Variants in GRIK3 observed in about 807,000 individuals in gnomAD.
GRIK3 encodes the protein glutamate receptor ionotropic, kainate 3.
Under a neutral mutation model 102.5 loss-of-function variants are expected in GRIK3, and 29 were observed. That is an observed-to-expected ratio of 0.28 (90% CI 0.21 to 0.39). The LOEUF (loss-of-function observed/expected upper bound fraction) is 0.39, where lower values mean the gene tolerates loss of function less well. Ranked by LOEUF, GRIK3 falls within the 10% of genes least tolerant of loss-of-function variation. GRIK3 has a pLI of 1.00. For synonymous variants in GRIK3, 511 were observed against 504.9 expected (o/e 1.01, Z -0.16); for missense variants, 908 against 1,252.4 (o/e 0.73, Z 4.15).
chr1:36,839,186 C>T (rs1042795391), intron 10 of GRIK3, among the ~76,000 whole-genome samples: 1 of 152,290 alleles, frequency 6.6e-6, no homozygotes, highest in Non-Finnish European at 1.5e-5. Context: ...TCTCCCCTGC[C>T]CAGCTTGCCT....
chr1:37,030,521 C>A (rs1487769983), intron 1 of GRIK3, among the ~76,000 whole-genome samples: 2 of 146,210 alleles, frequency 1.4e-5, no homozygotes, highest in Non-Finnish European at 3.0e-5. Flanking sequence ...CTGGGCCAAC[C>A]CTTCCTTTTC....
At chr1:37,023,681 T>C (rs1642738160) in intron 1 of GRIK3, among the ~76,000 whole-genome samples, 1 of 152,166 alleles carries the variant, frequency 6.6e-6, no homozygotes, top group Non-Finnish European at 1.5e-5. Context: ...TATCCCAGGC[T>C]CAGATGGCAG....
chr1:36,838,339 T>C (rs191227018), intron 10 of GRIK3, among the ~76,000 whole-genome samples: 87 of 152,212 alleles, frequency 5.7e-4, no homozygotes, highest in Admixed American at 1.8e-3. Flanking sequence ...TCAAAACACA[T>C]GGGAATAATT....
chr1:36,804,849 C>G, intron 15 of GRIK3, 138 bp downstream of exon 15: 2 of 1,136,408 alleles, frequency 1.8e-6, no homozygotes, highest in East Asian at 2.5e-5. Flanking sequence ...AGTGGCAGGG[C>G]TTGCTGGCCG....
chr1:36,950,893 C>T (rs1641837008), intron 1 of GRIK3, among the ~76,000 whole-genome samples: 1 of 152,210 alleles, frequency 6.6e-6, no homozygotes, highest in African/African-American at 2.4e-5. Flanking sequence ...GAAGTTACAG[C>T]AACGGGGAGC....
chr1:36,982,358 G>C (rs1557451127), intron 1 of GRIK3, among the ~76,000 whole-genome samples: 3 of 152,174 alleles, frequency 2.0e-5, no homozygotes, highest in Non-Finnish European at 2.9e-5. Flanking sequence ...AGGCGGCCCT[G>C]CTTGGCGCAC....
intron 1 of GRIK3, among the ~76,000 whole-genome samples, chr1:36,951,333 C>G (rs1038477777): frequency 6.6e-6 from 1 of 152,240 alleles, no homozygotes; most frequent in African/African-American, 2.4e-5. Context: ...CAGCAAGGGA[C>G]AGCAAATACT....
chr1:37,006,200 C>T (rs768140392), intron 1 of GRIK3, among the ~76,000 whole-genome samples: 5 of 152,200 alleles, frequency 3.3e-5, no homozygotes, highest in Non-Finnish European at 7.3e-5. Context: ...GCACAATTTT[C>T]AGAGCCATGT....
chr1:36,941,026 C>T (rs1641713655), intron 1 of GRIK3, among the ~76,000 whole-genome samples: 1 of 152,182 alleles, frequency 6.6e-6, no homozygotes, highest in African/African-American at 2.4e-5. Context: ...CCTATTAGAC[C>T]CCCTGACCTC....
In GRIK3 at chr1:36,850,970, T is replaced by A. The variant is rs1231656271; in HGVS notation, c.1213-546A>T. Among the ~76,000 whole-genome samples, 1 of 152,186 alleles carries A rather than the reference T, an allele frequency of 6.6e-6. No individual in the cohort carries two copies. Among genetic ancestry groups the A allele is most frequent in the Non-Finnish European group, 1.5e-5 (1 of 68,040 alleles). On this transcript the variant is annotated intron_variant, in intron 8 of 15. Coordinates refer to ENST00000373091, the MANE Select transcript of GRIK3 (RefSeq NM_000831.4). This position sits in a 1 kb window ranked among gnomAD's most constrained non-coding sequence, Gnocchi z 4.0. ...TAGAATAATCTCTCTCTCTACAGCG[T>A]CCTTGTGGATATCGGGCCTGAGGCT...
intron 1 of GRIK3, among the ~76,000 whole-genome samples, chr1:37,003,021 G>GTTT (rs68098848): frequency 1.8e-5 from 2 of 111,006 alleles, no homozygotes; most frequent in African/African-American, 3.2e-5. Flanking sequence ...AAAAGCTGTT[G>GTTT]TTTTTTTTTT....
intron 1 of GRIK3, among the ~76,000 whole-genome samples, chr1:36,911,092 TGAG>T: frequency 6.6e-6 from 1 of 151,246 alleles, no homozygotes; most frequent in Non-Finnish European, 1.5e-5. Flanking sequence ...ATTATCACAG[TGAG>T]GAGGACCTGT....
At chr1:37,020,941 T>C (rs1397474052) in intron 1 of GRIK3, among the ~76,000 whole-genome samples, 1 of 152,160 alleles carries the variant, frequency 6.6e-6, no homozygotes, top group African/African-American at 2.4e-5. Flanking sequence ...GGTGCATCTG[T>C]TATTTATGAC....
intron 2 of GRIK3, among the ~76,000 whole-genome samples, chr1:36,882,515 C>CT (rs1352558864): frequency 6.6e-6 from 1 of 152,202 alleles, no homozygotes; most frequent in Non-Finnish European, 1.5e-5. Flanking sequence ...TCAACTGTCT[C>CT]TAATTTTCCT....
In GRIK3 at chr1:36,930,848, G is replaced by A. The variant is rs1641580082; in HGVS notation, c.116-39752C>T. Among the ~76,000 whole-genome samples, 3 of 152,198 alleles carry A rather than the reference G, an allele frequency of 2.0e-5. No homozygotes were observed. In the South Asian group the frequency reaches 6.2e-4, roughly 31 times the overall value. The stretch of plus-strand genomic sequence containing the variant: ...CGAGGAGTTGTCTCCCTCAAAACCT[G>A]TATCTTGAGAGCTACCCTTATCTGC... On this transcript the variant is annotated intron_variant, in intron 1 of 15. Transcript: ENST00000373091.
chr1:36,824,965 G>C (rs141581377), intron 11 of GRIK3, among the ~76,000 whole-genome samples: 109 of 152,348 alleles, frequency 7.2e-4, no homozygotes, highest in Non-Finnish European at 1.2e-3. Flanking sequence ...GCAGAGCACA[G>C]TGCTTGGCGA....
At chr1:36,933,521 C>T (rs555418838) in intron 1 of GRIK3, among the ~76,000 whole-genome samples, 15 of 152,232 alleles carry the variant, frequency 9.9e-5, no homozygotes, top group Non-Finnish European at 1.5e-4. Context: ...ACCATCACAT[C>T]TGCTTTTCCT....
At chr1:37,001,970 C>T (rs1016712384) in intron 1 of GRIK3, among the ~76,000 whole-genome samples, 3 of 152,132 alleles carry the variant, frequency 2.0e-5, no homozygotes, top group African/African-American at 7.2e-5. Context: ...ACACTAAGTC[C>T]ATCTGTCATT....
At chr1:36,827,980 T>C (rs1642772999) in intron 10 of GRIK3, among the ~76,000 whole-genome samples, 1 of 151,822 alleles carries the variant, frequency 6.6e-6, no homozygotes, top group Non-Finnish European at 1.5e-5. Flanking sequence ...AGTTGGAATT[T>C]GCCTGGCTGA....
Sources: allele counts gnomAD v4.1 joint callset (sites outside exome capture counted in the v4.1 genomes callset), GRCh38; gene constraint gnomAD v4.1.1; non-coding constraint Gnocchi (gnomAD v3.1); transcripts MANE v1.5; gene names NCBI Gene and HGNC (gene_info 2026-07-23, HGNC 2026-07-21).